Variants in KSR1 observed in about 807,000 individuals in gnomAD.
KSR1 encodes kinase suppressor of ras 1.
In KSR1, 35 loss-of-function variants were observed where a neutral mutation model predicts 92.9. The observed-to-expected ratio is 0.38, with a 90% confidence interval of 0.29 to 0.50. The LOEUF (loss-of-function observed/expected upper bound fraction) is 0.50, where lower values mean the gene tolerates loss of function less well. KSR1 is among the 20% of genes least tolerant of loss of function. The pLI is 0.94. For synonymous variants in KSR1, 467 were observed against 472.6 expected, an observed-to-expected ratio of 0.99 and a Z score of 0.15; for missense variants, 972 against 1,158.5, an observed-to-expected ratio of 0.84 and a Z score of 2.34.
In KSR1 at chr17:27,483,510, G is replaced by A. The variant is rs562233074; in HGVS notation, c.231+26636G>A. ...GCTGAGGCAGGAGAATCGCTTGAAC[G>A]TGGGAGGCGGAGGTTGCAGTGAGCT... On this transcript the variant is annotated intron_variant, in intron 1 of 20. Coordinates refer to ENST00000644974, the MANE Select transcript of KSR1 (RefSeq NM_001394583.1). 3.3e-5 allele frequency: 5 copies of A among 151,254 alleles called. No homozygotes were observed. The South Asian group carries it at 8.4e-4, about 25-fold the overall frequency. 9.4% of individuals were successfully genotyped at this position (151,254 alleles called of 1,614,324 possible). A position where few individuals can be genotyped will look rare whatever the true frequency, so the allele number is the denominator to read the frequency against.
At chr17:27,560,407 A>G in intron 2 of KSR1, 1 of 519,060 alleles carries the variant, frequency 1.9e-6, no homozygotes, top group Non-Finnish European at 3.8e-6. Flanking sequence ...GTTCCCCTGA[A>G]TAAGCTCTTA....
At chr17:27,572,810 C>T (rs752520526) in intron 2 of KSR1, among the ~76,000 whole-genome samples, 7 of 152,186 alleles carry the variant, frequency 4.6e-5, no homozygotes, top group Non-Finnish European at 8.8e-5. Context: ...TGTGAGGTTT[C>T]GGGGGTGCTG....
intron 1 of KSR1, among the ~76,000 whole-genome samples, chr17:27,495,010 G>A (rs2068939078): frequency 6.6e-6 from 1 of 152,250 alleles, no homozygotes; most frequent in Non-Finnish European, 1.5e-5. Flanking sequence ...GCGGGTTCCA[G>A]GTGGGCACAG....
intron 1 of KSR1, among the ~76,000 whole-genome samples, chr17:27,522,758 C>A (rs1298362574): frequency 6.6e-6 from 1 of 152,208 alleles, no homozygotes; most frequent in Non-Finnish European, 1.5e-5. Context: ...CTCTGTCTTG[C>A]AAGAGGAGAC....
At chr17:27,506,019 G>A (rs542309646) in intron 1 of KSR1, among the ~76,000 whole-genome samples, 2 of 152,142 alleles carry the variant, frequency 1.3e-5, no homozygotes, top group East Asian at 3.9e-4. Context: ...TTTAAAAAAC[G>A]ATGCATTGCC....
At chr17:27,571,357 C>A (rs556115874) in intron 2 of KSR1, among the ~76,000 whole-genome samples, 3 of 152,236 alleles carry the variant, frequency 2.0e-5, no homozygotes, top group Non-Finnish European at 4.4e-5. Flanking sequence ...CTCCATGAGC[C>A]CCAATGGTGG....
Position 27,598,619 on chromosome 17 carries a change from C to T in KSR1, c.1468+1183C>T, listed in dbSNP as rs116523656. Among the ~76,000 whole-genome samples the T allele has an allele frequency of 3.1e-3, 478 of 152,348 alleles. 6 individuals carry two copies. Among genetic ancestry groups the T allele is most frequent in the African/African-American group, 0.011 (453 of 41,580 alleles). ...AACCTCCTCTCCCATTCTGCTCTGTCTTTATTATGCTCTGAAACTGTGCCT... is the reference window on the plus strand; with the variant it reads ...AACCTCCTCTCCCATTCTGCTCTGTTTTTATTATGCTCTGAAACTGTGCCT... On this transcript the variant is annotated intron_variant, in intron 10 of 20. Coordinates refer to ENST00000644974, the MANE Select transcript of KSR1 (RefSeq NM_001394583.1).
At chr17:27,548,497 G>A (rs79986032) in intron 1 of KSR1, among the ~76,000 whole-genome samples, 13,390 of 152,052 alleles carry the variant, frequency 0.088, 586 homozygotes, top group Middle Eastern at 0.1. Flanking sequence ...CGGTGCAGTG[G>A]TCCTAAGTGT....
intron 1 of KSR1, among the ~76,000 whole-genome samples, chr17:27,481,359 G>A (rs184351114): frequency 3.9e-5 from 6 of 152,296 alleles, no homozygotes; most frequent in Admixed American, 3.9e-4. Context: ...GAATTGGACT[G>A]GCTGATTTCT....
chr17:27,516,827 G>T (rs1368334414), intron 1 of KSR1, among the ~76,000 whole-genome samples: 1 of 152,018 alleles, frequency 6.6e-6, no homozygotes, highest in Admixed American at 6.6e-5. Flanking sequence ...AGGTGGTTGG[G>T]TTACAGCTTG....
chr17:27,622,645 G>A (rs530289125), intron 20 of KSR1: 2 of 152,886 alleles, frequency 1.3e-5, no homozygotes, highest in South Asian at 2.1e-4. Context: ...TTTTTCTGAT[G>A]AAAACAAAGT....
At chr17:27,510,316 C>A (rs1003823810) in intron 1 of KSR1, among the ~76,000 whole-genome samples, 1 of 151,062 alleles carries the variant, frequency 6.6e-6, no homozygotes, top group Admixed American at 6.6e-5. Context: ...TCTGGCACGT[C>A]ACTTCACCTC....
intron 1 of KSR1, among the ~76,000 whole-genome samples, chr17:27,512,646 C>G (rs1226631760): frequency 1.3e-5 from 2 of 152,148 alleles, no homozygotes; most frequent in African/African-American, 2.4e-5. Context: ...TTGCTTGAAC[C>G]TGGGAGGCGG....
chr17:27,616,168 C>G (rs1353976531), intron 18 of KSR1, among the ~76,000 whole-genome samples: 1 of 152,140 alleles, frequency 6.6e-6, no homozygotes, highest in African/African-American at 2.4e-5. Flanking sequence ...CAGCTGCTAC[C>G]TTTGAAAGCT....
At chr17:27,561,968 C>T (rs1229440147) in intron 2 of KSR1, among the ~76,000 whole-genome samples, 1 of 152,170 alleles carries the variant, frequency 6.6e-6, no homozygotes, top group Non-Finnish European at 1.5e-5. Flanking sequence ...GCCTCAGCCT[C>T]CTGAGTAGCT....
intron 10 of KSR1, among the ~76,000 whole-genome samples, chr17:27,599,138 C>G (rs1352258809): frequency 6.6e-6 from 1 of 152,214 alleles, no homozygotes; most frequent in East Asian, 1.9e-4. Flanking sequence ...CCTGTTGTTT[C>G]TAGACTGCAA....
intron 1 of KSR1, among the ~76,000 whole-genome samples, chr17:27,481,762 C>G (rs2150944296): frequency 6.6e-6 from 1 of 152,276 alleles, no homozygotes; most frequent in East Asian, 1.9e-4. Flanking sequence ...GTACCCATTT[C>G]CCAAGTAGTG....
chr17:27,591,192 G>A (rs2073154946), intron 7 of KSR1, among the ~76,000 whole-genome samples: 1 of 152,224 alleles, frequency 6.6e-6, no homozygotes, highest in African/African-American at 2.4e-5. Flanking sequence ...AAGGAGTTCT[G>A]AAGTTTAGCC....
intron 3 of KSR1, among the ~76,000 whole-genome samples, chr17:27,580,301 C>G (rs983532450): frequency 6.6e-6 from 1 of 152,092 alleles, no homozygotes; most frequent in Non-Finnish European, 1.5e-5. Flanking sequence ...GGCTGTAGCT[C>G]GTAAGGAGCA....
Sources: gnomAD v4.1 joint callset for allele counts (sites outside exome capture counted in the v4.1 genomes callset) on GRCh38, gnomAD v4.1.1 for gene constraint, MANE v1.5 for transcripts, NCBI Gene and HGNC (gene_info 2026-07-23, HGNC 2026-07-21) for gene names.